SCFD2: variants seen among roughly 807,000 people sequenced by gnomAD.
SCFD2 encodes the protein sec1 family domain containing 2, also known as sec1 family domain-containing protein 2.
In SCFD2, 54 loss-of-function variants were observed where a neutral mutation model predicts 58.9. The ratio of observed to expected loss-of-function variants is 0.92; its 90% CI spans 0.74 to 1.15. SCFD2 has a LOEUF of 1.15. Among genes scored for constraint, SCFD2 ranks in the 50% most tolerant of loss-of-function variants. SCFD2 has a pLI of 0.00. For synonymous variants in SCFD2, 321 were observed against 335.9 expected, an observed-to-expected ratio of 0.96 and a Z score of 0.49; for missense variants, 805 against 836.6, an observed-to-expected ratio of 0.96 and a Z score of 0.47.
chr4:53,300,179 T>A (rs941807447), intron 3 of SCFD2, among the ~76,000 whole-genome samples: 33 of 152,052 alleles, frequency 2.2e-4, no homozygotes, highest in African/African-American at 7.7e-4. Flanking sequence ...TCAAGACCCA[T>A]CAGTATGCTG....
At chr4:53,118,614 G>A (rs984192193) in intron 5 of SCFD2, among the ~76,000 whole-genome samples, 16 of 152,270 alleles carry the variant, frequency 1.1e-4, no homozygotes, top group African/African-American at 2.6e-4. Flanking sequence ...GTGGCTGAGT[G>A]CTTACTAAGG....
In SCFD2 at chr4:53,327,926, C is replaced by G. The variant is rs892501936; in HGVS notation, c.1008-14163G>C. Among the ~76,000 whole-genome samples the G allele has an allele frequency of 4.6e-5, 7 of 151,890 alleles. No individual in the cohort carries two copies. The South Asian group carries it at 6.3e-4, about 14-fold the overall frequency. ...TGGGTGGATCATGAGGTCAGGAGATCGAGACAATCCTGGCTAACACAGTGA... is the reference window on the plus strand; with the variant it reads ...TGGGTGGATCATGAGGTCAGGAGATGGAGACAATCCTGGCTAACACAGTGA... On this transcript the variant is annotated intron_variant, in intron 2 of 8. Transcript: ENST00000401642.
chr4:53,012,194 C>T (rs1267743946), intron 5 of SCFD2, among the ~76,000 whole-genome samples: 2 of 151,936 alleles, frequency 1.3e-5, no homozygotes, highest in Non-Finnish European at 2.9e-5. Flanking sequence ...AAAGCCCAGC[C>T]GTGTTATAAT....
chr4:52,947,453 A>G (rs1166184410), intron 5 of SCFD2, among the ~76,000 whole-genome samples: 1 of 152,350 alleles, frequency 6.6e-6, no homozygotes, highest in South Asian at 2.1e-4. Context: ...TAATTTTACA[A>G]ATTGATTCTA....
chr4:53,267,641 G>A (rs1371977051), intron 4 of SCFD2, among the ~76,000 whole-genome samples: 1 of 152,132 alleles, frequency 6.6e-6, no homozygotes, highest in Non-Finnish European at 1.5e-5. Context: ...GAGCGCAGTG[G>A]CTATTCACAG....
At chr4:52,900,944 G>C (rs981713648) in intron 7 of SCFD2, among the ~76,000 whole-genome samples, 6 of 152,230 alleles carry the variant, frequency 3.9e-5, no homozygotes, top group African/African-American at 1.4e-4. Context: ...CTCTGAGCCA[G>C]GTGTGGGATA....
At chr4:53,227,925 A>G (rs1249446071) in intron 4 of SCFD2, among the ~76,000 whole-genome samples, 1 of 152,148 alleles carries the variant, frequency 6.6e-6, no homozygotes, top group Admixed American at 6.6e-5. Flanking sequence ...TTTAATTTAT[A>G]TTTTCAAATA....
At chr4:53,271,717 C>G (rs1347642174) in intron 4 of SCFD2, among the ~76,000 whole-genome samples, 1 of 152,138 alleles carries the variant, frequency 6.6e-6, no homozygotes, top group Non-Finnish European at 1.5e-5. Context: ...CCCACCTCGG[C>G]CTCCCAAAGT....
intron 2 of SCFD2, among the ~76,000 whole-genome samples, chr4:53,327,600 G>A (rs766055255): frequency 6.6e-6 from 1 of 152,152 alleles, no homozygotes; most frequent in Admixed American, 6.5e-5. Flanking sequence ...TTGGAGACCA[G>A]GAGTGATGGA....
At chr4:53,180,796 C>T (rs370189423) in intron 4 of SCFD2, among the ~76,000 whole-genome samples, 12 of 152,048 alleles carry the variant, frequency 7.9e-5, no homozygotes, top group South Asian at 2.1e-4. Flanking sequence ...ATCAAACAGA[C>T]GCAATAAAAA....
At chr4:52,875,666 G>C (rs1292895079) in intron 8 of SCFD2, among the ~76,000 whole-genome samples, 1 of 151,588 alleles carries the variant, frequency 6.6e-6, no homozygotes, top group Non-Finnish European at 1.5e-5. Context: ...AGAAAAAGTA[G>C]AAGAGGAAGA....
chr4:53,275,793 G>C (rs1204948358), intron 3 of SCFD2, among the ~76,000 whole-genome samples: 2 of 152,136 alleles, frequency 1.3e-5, no homozygotes, highest in African/African-American at 4.8e-5. Flanking sequence ...AGCCATTTGA[G>C]TCTGGCTTCT....
At chr4:53,144,328 A>G (rs913990086) in intron 5 of SCFD2, among the ~76,000 whole-genome samples, 2 of 150,996 alleles carry the variant, frequency 1.3e-5, no homozygotes, top group African/African-American at 2.4e-5. Flanking sequence ...ATATGTGTGT[A>G]TATATGTGTG....
rs1244963561 is a variant in SCFD2 at position 52,922,813 on chromosome 4, T to C, written c.1562-1943A>G. ...GTTTTCCAAACTGATTGCACTATTT[T>C]ACATTCCCACCAACAGTGTAAGAGG... is the stretch of plus-strand genomic sequence containing the variant. On this transcript the variant is annotated intron_variant, in intron 5 of 8. Coordinates refer to ENST00000401642, the MANE Select transcript of SCFD2 (RefSeq NM_152540.4). Among the ~76,000 whole-genome samples the C allele has an allele frequency of 2.0e-5, 3 of 152,252 alleles. No homozygotes were observed. In the East Asian group the frequency reaches 5.8e-4, roughly 29 times the overall value.
intron 5 of SCFD2, among the ~76,000 whole-genome samples, chr4:53,056,759 G>A (rs1723352603): frequency 6.6e-6 from 1 of 152,090 alleles, no homozygotes; most frequent in Non-Finnish European, 1.5e-5. Flanking sequence ...TTAGATCCTT[G>A]TATAAATTGG....
intron 7 of SCFD2, 81 bp downstream of exon 7, chr4:52,907,376 G>T: frequency 7.3e-7 from 1 of 1,379,176 alleles, no homozygotes. Flanking sequence ...TGCTGGCTAG[G>T]GTTAACAGGG....
chr4:53,315,872 G>A (rs141285302), intron 2 of SCFD2, among the ~76,000 whole-genome samples: 87 of 152,256 alleles, frequency 5.7e-4, no homozygotes, highest in African/African-American at 2.0e-3. Context: ...GTTAGGTAAC[G>A]TTGTGGTTGC....
At chr4:52,916,895 G>A (rs1719623350) in intron 6 of SCFD2, among the ~76,000 whole-genome samples, 1 of 152,172 alleles carries the variant, frequency 6.6e-6, no homozygotes, top group Non-Finnish European at 1.5e-5. Flanking sequence ...ACTATTCTAA[G>A]AAGTTTTTTG....
chr4:53,196,822 A>C lies in SCFD2; in HGVS notation c.1312-51240T>G, dbSNP rs192969119. 1.2e-4 allele frequency among the ~76,000 whole-genome samples: 19 copies of C among 152,304 alleles called. 1 individual carries two copies. Among genetic ancestry groups the C allele is most frequent in the African/African-American group, 4.3e-4 (18 of 41,574 alleles). On this transcript the variant is annotated intron_variant, in intron 4 of 8. Coordinates refer to ENST00000401642, the MANE Select transcript of SCFD2 (RefSeq NM_152540.4). Reference sequence around the variant, plus strand: ...TCATGCCAATGTCTTGTTCACATAAATTTATAGTTTTACTCAATGCAAAAG... The same window carrying C: ...TCATGCCAATGTCTTGTTCACATAACTTTATAGTTTTACTCAATGCAAAAG...
Sources: allele counts gnomAD v4.1 joint callset (sites outside exome capture counted in the v4.1 genomes callset), GRCh38; gene constraint gnomAD v4.1.1; transcripts MANE v1.5; gene names NCBI Gene and HGNC (gene_info 2026-07-23, HGNC 2026-07-21).